The following WARS2 variants were observed in gnomAD, a reference collection of about 807,000 sequenced individuals.
The protein encoded by WARS2 is tryptophan--tRNA ligase, mitochondrial.
A neutral mutation model predicts 36.5 loss-of-function variants in WARS2; 28 were observed. The ratio of observed to expected loss-of-function variants is 0.77; its 90% CI spans 0.57 to 1.05. The LOEUF is 1.05. Ranked by LOEUF, WARS2 falls within the 50% of genes least tolerant of loss-of-function variation. WARS2 has a pLI of 0.00. For synonymous variants in WARS2, 174 were observed against 178.4 expected, an observed-to-expected ratio of 0.98 and a Z score of 0.20; for missense variants, 435 against 456.8, an observed-to-expected ratio of 0.95 and a Z score of 0.44.
At chr1:119,137,225 G>A (rs965016756) in intron 1 of WARS2, among the ~76,000 whole-genome samples, 3 of 152,074 alleles carry the variant, frequency 2.0e-5, no homozygotes, top group Non-Finnish European at 2.9e-5. Flanking sequence ...TTGGTGAAGG[G>A]TATACAGAAA....
At chr1:119,118,892 A>T (rs1473325298) in intron 1 of WARS2, among the ~76,000 whole-genome samples, 1 of 152,202 alleles carries the variant, frequency 6.6e-6, no homozygotes, top group Non-Finnish European at 1.5e-5. Context: ...GAAAGAATTC[A>T]CCAATCCCAA....
Position 119,113,583 on chromosome 1 carries a change from T to A in WARS2, c.90+26972A>T, listed in dbSNP as rs587775579. ...TGTCCTTTAAAAAAAATCATGGGAG[T>A]TTGTGAGGGACTAAGCTGAGATCAA... On this transcript the variant is annotated intron_variant, in intron 1 of 5. Coordinates refer to ENST00000235521, the MANE Select transcript of WARS2 (RefSeq NM_015836.4). Among the ~76,000 whole-genome samples, 3 of 151,524 alleles carry A rather than the reference T, an allele frequency of 2.0e-5. No homozygotes were observed. In the East Asian group the frequency reaches 5.8e-4, roughly 29 times the overall value.
intron 2 of WARS2, among the ~76,000 whole-genome samples, chr1:119,055,274 G>A (rs192050320): frequency 1.3e-5 from 2 of 152,202 alleles, no homozygotes; most frequent in Admixed American, 1.3e-4. Context: ...AAGATAGCTG[G>A]TAATACAAGT....
intron 2 of WARS2, among the ~76,000 whole-genome samples, chr1:119,075,978 A>G (rs1651697854): frequency 6.6e-6 from 1 of 152,206 alleles, no homozygotes; most frequent in African/African-American, 2.4e-5. Flanking sequence ...ACATAAAACT[A>G]TTGGTCACTA....
chr1:119,081,383 A>C (rs1308477164), intron 1 of WARS2, among the ~76,000 whole-genome samples: 1 of 152,260 alleles, frequency 6.6e-6, no homozygotes, highest in Non-Finnish European at 1.5e-5. Context: ...GCTTCAGTAC[A>C]GTGGTGAGAA....
chr1:119,109,996 G>C (rs763234360), intron 1 of WARS2, among the ~76,000 whole-genome samples: 4 of 151,732 alleles, frequency 2.6e-5, no homozygotes, highest in Non-Finnish European at 4.4e-5. Context: ...TTCACAGGGG[G>C]TACAAATACC....
chr1:119,104,647 A>T (rs1254647631), intron 1 of WARS2, among the ~76,000 whole-genome samples: 1 of 151,544 alleles, frequency 6.6e-6, no homozygotes, highest in East Asian at 1.9e-4. Context: ...TGGTGAAATA[A>T]CAGAGTAATG....
chr1:119,053,088 T>G (rs1171876657), intron 2 of WARS2, among the ~76,000 whole-genome samples: 1 of 152,168 alleles, frequency 6.6e-6, no homozygotes, highest in East Asian at 1.9e-4. Flanking sequence ...TGAGGACATA[T>G]AATCCTCCGA....
chr1:119,038,530 T>C (rs1189233074), intron 4 of WARS2, among the ~76,000 whole-genome samples: 1 of 152,228 alleles, frequency 6.6e-6, no homozygotes, highest in Non-Finnish European at 1.5e-5. Flanking sequence ...ATGACACCTC[T>C]TCTCTGACTC....
chr1:119,111,215 C>T (rs186042008), intron 1 of WARS2, among the ~76,000 whole-genome samples: 1 of 152,186 alleles, frequency 6.6e-6, no homozygotes, highest in Admixed American at 6.5e-5. Flanking sequence ...CAAAGGTGGA[C>T]ATAATCTACT....
intron 2 of WARS2, among the ~76,000 whole-genome samples, chr1:119,056,244 C>G (rs1260833961): frequency 6.8e-6 from 1 of 146,864 alleles, no homozygotes; most frequent in Non-Finnish European, 1.5e-5. Context: ...GCCATGTAGC[C>G]CAGGCTGGTC....
chr1:119,097,424 G>T (rs1328613198), intron 1 of WARS2, among the ~76,000 whole-genome samples: 1 of 152,104 alleles, frequency 6.6e-6, no homozygotes, highest in Non-Finnish European at 1.5e-5. Flanking sequence ...TCCCCTCCAT[G>T]AATTGTATAC....
rs779000375 is a variant in WARS2 at position 119,076,697 on chromosome 1, T to C, written c.91-90A>G. On this transcript the variant is annotated intron_variant, in intron 1 of 5. Transcript: ENST00000235521. The stretch of plus-strand genomic sequence containing the variant: ...TTATCATAGCTATGGGAGCTAGTTA[T>C]ATTTTTGTAAACTACAATCTGACAG... 1.9e-6 allele frequency: 3 copies of C among 1,540,402 alleles called. No individual in the cohort carries two copies. The African/African-American group carries it at 4.1e-5, about 21-fold the overall frequency.
At chr1:119,127,713 T>C (rs1447671519) in intron 1 of WARS2, among the ~76,000 whole-genome samples, 1 of 152,194 alleles carries the variant, frequency 6.6e-6, no homozygotes, top group African/African-American at 2.4e-5. Flanking sequence ...GACCCACACC[T>C]ACCTCTACCT....
At chr1:119,045,739 T>G in intron 2 of WARS2, 77 bp from the exon 3 acceptor site, 1 of 1,182,094 alleles carries the variant, frequency 8.5e-7, no homozygotes, top group East Asian at 2.6e-5. Context: ...TAGTAAGTAT[T>G]ACCCTAAATG....
At chr1:119,099,795 A>C (rs1268914988) in intron 1 of WARS2, among the ~76,000 whole-genome samples, 1 of 152,228 alleles carries the variant, frequency 6.6e-6, no homozygotes, top group Non-Finnish European at 1.5e-5. Flanking sequence ...CATATACAGA[A>C]ATCAACTCAA....
intron 1 of WARS2, among the ~76,000 whole-genome samples, chr1:119,121,363 C>T (rs962254479): frequency 2.0e-5 from 3 of 152,010 alleles, no homozygotes; most frequent in Non-Finnish European, 4.4e-5. Context: ...ACAAGGAAAA[C>T]GTTGAAATAC....
At chr1:119,135,003 G>A (rs1656385904) in intron 1 of WARS2, among the ~76,000 whole-genome samples, 1 of 152,118 alleles carries the variant, frequency 6.6e-6, no homozygotes, top group South Asian at 2.1e-4. Flanking sequence ...GCAGTAAGCT[G>A]TAAAAAAGAA....
chr1:119,132,932 T>C (rs587623527), intron 1 of WARS2, among the ~76,000 whole-genome samples: 3 of 152,314 alleles, frequency 2.0e-5, no homozygotes, highest in African/African-American at 7.2e-5. Flanking sequence ...CCCACAACAC[T>C]ATTTTCTTAC....
Sources: allele counts gnomAD v4.1 joint callset (sites outside exome capture counted in the v4.1 genomes callset), GRCh38; gene constraint gnomAD v4.1.1; transcripts MANE v1.5; gene names NCBI Gene and HGNC (gene_info 2026-07-23, HGNC 2026-07-21).